SORD: variants seen among roughly 807,000 people sequenced by gnomAD.
SORD encodes sorbitol dehydrogenase, also known as (R,R)-butanediol dehydrogenase.
In SORD, 18 loss-of-function variants were observed where a neutral mutation model predicts 35.6. The ratio of observed to expected loss-of-function variants is 0.51; its 90% CI spans 0.35 to 0.75. SORD has a LOEUF of 0.75. Ranked by LOEUF, SORD falls within the 30% of genes least tolerant of loss-of-function variation. The pLI is 0.01. For missense variants in SORD, 250 were observed against 390.2 expected, an observed-to-expected ratio of 0.64 and a Z score of 3.03; for synonymous variants, 106 against 152.9, an observed-to-expected ratio of 0.69 and a Z score of 2.26.
chr15:45,034,345 A>G (rs1335691690), intron 1 of SORD, among the ~76,000 whole-genome samples: 4 of 152,070 alleles, frequency 2.6e-5, no homozygotes, highest in African/African-American at 7.2e-5. Flanking sequence ...AGGAGGGAAA[A>G]GGCATCTTCC....
chr15:45,031,326 CAA>C (rs201515287), intron 1 of SORD, among the ~76,000 whole-genome samples: 1 of 95,158 alleles, frequency 1.1e-5, no homozygotes. Context: ...ACAACAACGA[CAA>C]AAAAAAAAAA....
chr15:45,068,818 T>A, intron 6 of SORD, 59 bp from the exon 7 acceptor site: 1 of 1,403,338 alleles, frequency 7.1e-7, no homozygotes, highest in Non-Finnish European at 9.3e-7. Context: ...TTCTTCCTAA[T>A]GAGTCATCAG....
chr15:45,055,122 G>A (rs1179327588), intron 3 of SORD, among the ~76,000 whole-genome samples: 10 of 151,742 alleles, frequency 6.6e-5, no homozygotes, highest in East Asian at 3.9e-4. Flanking sequence ...TTGACTTGGC[G>A]ATGCGGGCTC....
At chr15:45,063,590 G>A (rs995774037) in intron 4 of SORD, among the ~76,000 whole-genome samples, 4 of 152,132 alleles carry the variant, frequency 2.6e-5, no homozygotes, top group Admixed American at 6.5e-5. Context: ...GCAGGCGGAT[G>A]AGGCAGCATC....
At position 45,075,283 on chromosome 15, in the gene SORD, C is replaced by T. The variant is rs2141130703; in HGVS notation, c.*1753C>T. On this transcript the variant is annotated 3_prime_UTR_variant, in exon 9 of 9. Transcript: ENST00000267814. ...CACCACCCCCACCAAGCAGCTCCTACTGATGAGAAGATGCACTAAGCAGTC... is the reference window on the plus strand; with the variant it reads ...CACCACCCCCACCAAGCAGCTCCTATTGATGAGAAGATGCACTAAGCAGTC... The T allele has an allele frequency of 7.7e-6, 1 of 130,586 alleles. No homozygotes were observed. The highest frequency in any genetic ancestry group is 1.5e-5 in the Non-Finnish European group (1 of 66,792). 8.1% of individuals were successfully genotyped at this position (130,586 alleles called of 1,614,324 possible).
chr15:45,029,001 C>G (rs76618224), intron 1 of SORD, among the ~76,000 whole-genome samples: 31,278 of 150,862 alleles, frequency 0.21, no homozygotes, highest in African/African-American at 0.44. Flanking sequence ...AGTCATGAAG[C>G]AGGAGCTGGA....
intron 2 of SORD, 78 bp downstream of exon 2, chr15:45,040,519 T>C: frequency 1.8e-6 from 2 of 1,084,152 alleles, no homozygotes; most frequent in Non-Finnish European, 2.8e-6. Context: ...ATTGTTCCCT[T>C]ACCTCTCTTT....
intron 1 of SORD, among the ~76,000 whole-genome samples, chr15:45,034,248 G>C (rs931672928): frequency 6.6e-6 from 1 of 152,068 alleles, no homozygotes; most frequent in African/African-American, 2.4e-5. Flanking sequence ...ACTACCCTGA[G>C]GTCACGCAGC....
chr15:45,069,489 C>T (rs1306056403), intron 7 of SORD, among the ~76,000 whole-genome samples: 4 of 152,030 alleles, frequency 2.6e-5, no homozygotes, highest in Non-Finnish European at 5.9e-5. Flanking sequence ...GGATTACAGG[C>T]GCTATCTCTG....
At chr15:45,055,542 G>A (rs1467013676) in intron 3 of SORD, among the ~76,000 whole-genome samples, 1 of 152,190 alleles carries the variant, frequency 6.6e-6, no homozygotes, top group Non-Finnish European at 1.5e-5. Context: ...TGGATTCAGA[G>A]CTGAATTCTA....
chr15:45,033,754 T>C (rs931618951), intron 1 of SORD, among the ~76,000 whole-genome samples: 2 of 146,004 alleles, frequency 1.4e-5, no homozygotes, highest in Non-Finnish European at 3.0e-5. Flanking sequence ...AACAGGGAAA[T>C]AGAACAACAG....
chr15:45,037,638 C>T (rs1412418237), intron 1 of SORD, among the ~76,000 whole-genome samples: 22 of 152,114 alleles, frequency 1.4e-4, no homozygotes, highest in Non-Finnish European at 4.4e-5. Flanking sequence ...AGAATGAGAT[C>T]ATGTCTTTTT....
At chr15:45,059,064 G>A (rs1413188742) in intron 3 of SORD, among the ~76,000 whole-genome samples, 1 of 152,112 alleles carries the variant, frequency 6.6e-6, no homozygotes, top group Non-Finnish European at 1.5e-5. Flanking sequence ...TCTATGTTGG[G>A]CCTCACTCCC....
At position 45,069,194 on chromosome 15, in the gene SORD, C is replaced by CTTTTTTTTT. The variant is rs752540495; in HGVS notation, c.786+164_786+172dup. 2.2e-4 allele frequency: 26 copies of CTTTTTTTTT among 116,994 alleles called. 2 individuals carry two copies. Among genetic ancestry groups the CTTTTTTTTT allele is most frequent in the South Asian group, 7.1e-4 (2 of 2,818 alleles). The allele number at this position is 116,994 out of a possible 1,614,324, so 7.2% of individuals were successfully genotyped here. A position where few individuals can be genotyped will look rare whatever the true frequency, so the allele number is the denominator to read the frequency against. Reference sequence around the variant, plus strand: ...CTTTTGCCATCTATGTTTTCTTTTTCTTTTTTTTTTTTTTTTTTTTTTTTT... The same window carrying CTTTTTTTTT: ...CTTTTGCCATCTATGTTTTCTTTTTCTTTTTTTTTTTTTTTTTTTTTTTTTTTTTTTTTT... On this transcript the variant is annotated intron_variant, in intron 7 of 8. Coordinates refer to ENST00000267814, the MANE Select transcript of SORD (RefSeq NM_003104.6).
intron 4 of SORD, among the ~76,000 whole-genome samples, chr15:45,062,309 G>A (rs71405283): frequency 0.032 from 4,722 of 147,504 alleles, 39 homozygotes; most frequent in Non-Finnish European, 0.039. Flanking sequence ...ACCCTACTCC[G>A]ATTCTCACCC....
intron 5 of SORD, 144 bp downstream of exon 5, chr15:45,065,533 G>A (rs960489965): frequency 7.4e-7 from 1 of 1,357,932 alleles, no homozygotes; most frequent in Non-Finnish European, 9.9e-7. Flanking sequence ...CATTCCCTCA[G>A]TGACTAGCAC....
At chr15:45,069,539 C>G (rs928296196) in intron 7 of SORD, among the ~76,000 whole-genome samples, 25 of 152,014 alleles carry the variant, frequency 1.6e-4, no homozygotes, top group African/African-American at 6.0e-4. Context: ...TTGAACTTGC[C>G]TTACATCCTT....
intron 1 of SORD, among the ~76,000 whole-genome samples, chr15:45,034,935 G>A (rs1892837231): frequency 6.6e-6 from 1 of 152,236 alleles, no homozygotes; most frequent in Admixed American, 6.5e-5. Flanking sequence ...AGAGCAGCCG[G>A]CCGGCCCTGC....
chr15:45,038,622 A>G (rs34533787), intron 1 of SORD, among the ~76,000 whole-genome samples: 2,077 of 151,736 alleles, frequency 0.014, 14 homozygotes, highest in Middle Eastern at 0.024. Flanking sequence ...ACTTGAGTTT[A>G]GGGACAAGCA....
Sources: gnomAD v4.1 joint callset for allele counts (sites outside exome capture counted in the v4.1 genomes callset) on GRCh38, gnomAD v4.1.1 for gene constraint, MANE v1.5 for transcripts, NCBI Gene and HGNC (gene_info 2026-07-23, HGNC 2026-07-21) for gene names.